The following MARCHF5 variants were observed in gnomAD, a reference collection of about 807,000 sequenced individuals.
MARCHF5 encodes the protein E3 ubiquitin-protein ligase MARCHF5.
MARCHF5 carries 5 observed loss-of-function variants against 36.5 expected under a neutral mutation model. That is an observed-to-expected ratio of 0.14 (90% CI 0.07 to 0.29). The LOEUF (loss-of-function observed/expected upper bound fraction) is 0.29, where lower values mean the gene tolerates loss of function less well. Ranked by LOEUF, MARCHF5 falls within the 10% of genes least tolerant of loss-of-function variation. MARCHF5 has a pLI of 1.00. For missense variants in MARCHF5, 179 were observed against 336.3 expected (o/e 0.53, Z 3.66); for synonymous variants, 103 against 109.9 (o/e 0.94, Z 0.39).
intron 2 of MARCHF5, among the ~76,000 whole-genome samples, chr10:92,336,321 G>A (rs552560595): frequency 1.3e-5 from 2 of 152,334 alleles, no homozygotes; most frequent in South Asian, 4.1e-4. Context: ...ACAGGTGGGA[G>A]CCACCATGCC....
At chr10:92,334,514 A>G (rs1843479319) in intron 2 of MARCHF5, 1 of 152,396 alleles carries the variant, frequency 6.6e-6, no homozygotes, top group Non-Finnish European at 1.5e-5. Flanking sequence ...AACCAGTTAC[A>G]TATTTCTTTG....
intron 4 of MARCHF5, 23 bp from the exon 5 acceptor site, chr10:92,349,647 AC>A: frequency 6.2e-7 from 1 of 1,611,274 alleles, no homozygotes; most frequent in Non-Finnish European, 8.5e-7. Context: ...ATTAGCACTA[AC>A]GCACTGCATT....
At chr10:92,318,715 TA>T (rs1843247505) in intron 2 of MARCHF5, among the ~76,000 whole-genome samples, 9 of 152,036 alleles carry the variant, frequency 5.9e-5, no homozygotes, top group Admixed American at 5.9e-4. Context: ...CTTTTTTTTC[TA>T]AGATGGAATC....
chr10:92,293,166 C>T (rs767774981), intron 1 of MARCHF5, among the ~76,000 whole-genome samples: 2 of 152,194 alleles, frequency 1.3e-5, no homozygotes, highest in Admixed American at 6.5e-5. Flanking sequence ...GTGGCATTGG[C>T]ATGATCTCAA....
Position 92,343,034 on chromosome 10 carries a change from C to T in MARCHF5, c.369+2231C>T, listed in dbSNP as rs56298234. Among the ~76,000 whole-genome samples the T allele has an allele frequency of 7.5e-3, 1,145 of 152,286 alleles. 13 individuals are homozygous for T. The highest frequency in any genetic ancestry group is 0.026 in the African/African-American group (1,067 of 41,552). On this transcript the variant is annotated intron_variant, in intron 3 of 5. Transcript: ENST00000358935. Reference sequence around the variant, plus strand: ...ATGAATCACAAACAGTGAAACATATCTGACATGAGTGTAGTGAATAAAGTT... The same window carrying T: ...ATGAATCACAAACAGTGAAACATATTTGACATGAGTGTAGTGAATAAAGTT...
intron 3 of MARCHF5, among the ~76,000 whole-genome samples, chr10:92,341,780 C>CTTTTTT (rs71025395): frequency 2.5e-4 from 19 of 77,400 alleles, no homozygotes; most frequent in East Asian, 4.9e-4. Flanking sequence ...AGTTTACATC[C>CTTTTTT]TTTTTTTTTT....
chr10:92,292,020 C>T (rs1414338321), intron 1 of MARCHF5, among the ~76,000 whole-genome samples: 1 of 149,802 alleles, frequency 6.7e-6, no homozygotes, highest in African/African-American at 2.5e-5. Context: ...CCGCACCCCC[C>T]GTCCCCCCCG....
At chr10:92,336,534 G>A (rs1481677364) in intron 2 of MARCHF5, among the ~76,000 whole-genome samples, 3 of 152,160 alleles carry the variant, frequency 2.0e-5, no homozygotes, top group African/African-American at 7.2e-5. Flanking sequence ...ATGTAAATTA[G>A]GGTATGTTAT....
At chr10:92,293,083 C>T (rs956959219) in intron 1 of MARCHF5, among the ~76,000 whole-genome samples, 49 of 152,144 alleles carry the variant, frequency 3.2e-4, no homozygotes, top group African/African-American at 1.1e-3. Flanking sequence ...TTCATTTTTA[C>T]ATAGTGACTT....
rs572639133 is a variant in MARCHF5, at chr10:92,349,293, A to G, written c.370-56A>G. 49 of 1,302,566 alleles carry G rather than the reference A, an allele frequency of 3.8e-5. No individual in the cohort carries two copies. The South Asian group carries it at 6.9e-4, about 18-fold the overall frequency. The allele number at this position is 1,302,566 out of a possible 1,614,324, so 80.7% of individuals were successfully genotyped here. ...TTCTATTAAAAAAATAGAGCTTAAC[A>G]TGCAACACCTCATTTGAAAAAGAAG... is the stretch of plus-strand genomic sequence containing the variant. On this transcript the variant is annotated intron_variant, in intron 3 of 5. Transcript: ENST00000358935.
At chr10:92,307,816 G>T (rs1843094504) in intron 1 of MARCHF5, among the ~76,000 whole-genome samples, 1 of 152,116 alleles carries the variant, frequency 6.6e-6, no homozygotes, top group South Asian at 2.1e-4. Context: ...GGAGGTTGCA[G>T]TGAGCCGAGA....
intron 2 of MARCHF5, among the ~76,000 whole-genome samples, chr10:92,337,961 C>T (rs1347169608): frequency 1.3e-5 from 2 of 151,194 alleles, no homozygotes; most frequent in Non-Finnish European, 2.9e-5. Flanking sequence ...ATTGCTTGAG[C>T]CTAGGAGTTC....
In MARCHF5 at chr10:92,291,507, G is replaced by GCCCTGCGGAAGATGCCGGACCAAT; in HGVS notation, c.17_18insGCGGAAGATGCCGGACCAATCCCT (p.Leu6_Gln7insArgLysMetProAspGlnSerLeu). 1 of 1,548,122 alleles carries GCCCTGCGGAAGATGCCGGACCAAT rather than the reference G, an allele frequency of 6.5e-7. No homozygotes were observed. Among genetic ancestry groups the GCCCTGCGGAAGATGCCGGACCAAT allele is most frequent in the Non-Finnish European group, 8.7e-7 (1 of 1,145,766 alleles). On this transcript the variant is annotated inframe_insertion, in exon 1 of 6. Coordinates refer to ENST00000358935, the MANE Select transcript of MARCHF5 (RefSeq NM_017824.5). ...GGCTCCGCGGAAGATGCCGGACCAA[G>GCCCTGCGGAAGATGCCGGACCAAT]CCCTACAGCAGATGCTGGACAGGTA...
chr10:92,291,589 C>G (rs1038151260), intron 1 of MARCHF5, 60 bp downstream of exon 1: 9 of 1,474,264 alleles, frequency 6.1e-6, no homozygotes, highest in South Asian at 2.7e-5. Flanking sequence ...CCTGCCCGCG[C>G]CCGCCCTCGA....
In MARCHF5 at chr10:92,343,001, A is replaced by G. The variant is rs532491000; in HGVS notation, c.369+2198A>G. Among the ~76,000 whole-genome samples the G allele has an allele frequency of 3.9e-5, 6 of 152,358 alleles. No individual in the cohort carries two copies. The South Asian group carries it at 1.2e-3, about 32-fold the overall frequency. Reference sequence around the variant, plus strand: ...ATGATGACATCCCAAAAATATGGATACAGTTAAATGAATCACAAACAGTGA... The same window carrying G: ...ATGATGACATCCCAAAAATATGGATGCAGTTAAATGAATCACAAACAGTGA... On this transcript the variant is annotated intron_variant, in intron 3 of 5. Coordinates refer to ENST00000358935, the MANE Select transcript of MARCHF5 (RefSeq NM_017824.5).
intron 2 of MARCHF5, among the ~76,000 whole-genome samples, chr10:92,316,530 C>T (rs1466602797): frequency 6.6e-6 from 1 of 152,144 alleles, no homozygotes; most frequent in Non-Finnish European, 1.5e-5. Flanking sequence ...CCCCTTCCTC[C>T]ACCCCACTTT....
chr10:92,341,052 T>C (rs1283752438), intron 3 of MARCHF5, among the ~76,000 whole-genome samples: 2 of 152,178 alleles, frequency 1.3e-5, no homozygotes, highest in Non-Finnish European at 2.9e-5. Context: ...GTTCTATCTA[T>C]AGAATTACAG....
In MARCHF5 at chr10:92,353,354, C is replaced by T. The variant is rs1313529437; in HGVS notation, c.*2147C>T. The stretch of plus-strand genomic sequence containing the variant: ...GACCTGGGTTCAAATCATAGTTCAG[C>T]TTTCAATAACTGTATGTATGATTTT... On this transcript the variant is annotated 3_prime_UTR_variant, in exon 6 of 6. Coordinates refer to ENST00000358935, the MANE Select transcript of MARCHF5 (RefSeq NM_017824.5). 6.6e-6 allele frequency: 1 copy of T among 152,152 alleles called. No homozygotes were observed. Among genetic ancestry groups the T allele is most frequent in the Non-Finnish European group, 1.5e-5 (1 of 68,036 alleles). The allele number at this position is 152,152 out of a possible 1,614,324, so 9.4% of individuals were successfully genotyped here.
intron 5 of MARCHF5, 125 bp downstream of exon 5, chr10:92,349,962 G>A (rs1843697883): frequency 4.2e-6 from 3 of 716,418 alleles, no homozygotes; most frequent in South Asian, 1.9e-5. Context: ...CTCTATTTGA[G>A]CCTCACTATC....
Sources: gnomAD v4.1 joint callset for allele counts (sites outside exome capture counted in the v4.1 genomes callset) on GRCh38, gnomAD v4.1.1 for gene constraint, MANE v1.5 for transcripts, NCBI Gene and HGNC (gene_info 2026-07-23, HGNC 2026-07-21) for gene names.